The following MYH14 variants were observed in gnomAD, a reference collection of about 807,000 sequenced individuals.
The protein encoded by MYH14 is myosin-14.
MYH14 carries 123 observed loss-of-function variants against 255.5 expected under a neutral mutation model. The ratio of observed to expected loss-of-function variants is 0.48; its 90% CI spans 0.42 to 0.56. The LOEUF is 0.56. Ranked by LOEUF, MYH14 falls within the 20% of genes least tolerant of loss-of-function variation. MYH14 has a pLI of 0.00. For synonymous variants in MYH14, 1,095 were observed against 1,161.2 expected (o/e 0.94, Z 1.16); for missense variants, 2,423 against 2,802.3 (o/e 0.86, Z 3.06).
intron 8 of MYH14, among the ~76,000 whole-genome samples, chr19:50,229,829 G>C (rs745531294): frequency 6.6e-6 from 1 of 152,086 alleles, no homozygotes; most frequent in Non-Finnish European, 1.5e-5. Flanking sequence ...CTCACCTGCG[G>C]GTAACTTTGA....
chr19:50,243,385 G>A (rs905268545), intron 10 of MYH14, among the ~76,000 whole-genome samples: 2 of 151,864 alleles, frequency 1.3e-5, no homozygotes, highest in African/African-American at 2.4e-5. Context: ...GCAGTGAGCC[G>A]ATATGGCACC....
chr19:50,289,522 G>A lies in MYH14; in HGVS notation c.4839G>A (p.Leu1613=). The change falls in exon 35 of 43, where the codon CTG becomes CTA. Residue 1613 remains leucine (L), a synonymous_variant. Transcript: ENST00000642316. ...AGGTGACAGAACTGGAGGATGAGCT[G>A]ACAGCGGCCGAGGATGCCAAGCTGC... The part of the protein sequence containing the change: ...RAQVTELEDE[L]TAAEDAKLRL... 6.2e-7 allele frequency: 1 copy of A among 1,613,178 alleles called. No homozygotes were observed. Among genetic ancestry groups the A allele is most frequent in the Non-Finnish European group, 8.5e-7 (1 of 1,179,658 alleles).
Position 50,272,723 on chromosome 19 carries a change from C to G in MYH14, c.3459C>G (p.Ala1153=). The change falls in exon 27 of 43, where the codon GCC becomes GCG. Residue 1153 remains alanine, a synonymous_variant. Transcript: ENST00000642316. The stretch of plus-strand genomic sequence containing the variant: ...GGAAGGAGGAGGAGCTGCAGGCTGC[C>G]CTGGCCAGGTGCAGGGTGGGGTGGG... ...LGRKEEELQA[A]LARAEDEGGA... is the part of the protein sequence containing the mutation. 6.4e-7 allele frequency: 1 copy of G among 1,550,434 alleles called. No individual in the cohort carries two copies. Among genetic ancestry groups the G allele is most frequent in the Non-Finnish European group, 8.7e-7 (1 of 1,147,426 alleles).
At chr19:50,290,707 T>C (rs1279622784) in intron 35 of MYH14, among the ~76,000 whole-genome samples, 180 bp from the exon 36 acceptor site, 1 of 151,570 alleles carries the variant, frequency 6.6e-6, no homozygotes, top group Non-Finnish European at 1.5e-5. Flanking sequence ...TTAGGTGAGA[T>C]GGGGGACTGA....
At chr19:50,297,273 C>T (rs1027436539) in intron 39 of MYH14, among the ~76,000 whole-genome samples, 6 of 151,878 alleles carry the variant, frequency 4.0e-5, no homozygotes, top group African/African-American at 1.5e-4. Flanking sequence ...CGTGAGCCAC[C>T]GCGCCCGGCC....
chr19:50,239,602 T>G (rs1433281242), intron 10 of MYH14, among the ~76,000 whole-genome samples: 3 of 151,904 alleles, frequency 2.0e-5, no homozygotes, highest in Non-Finnish European at 4.4e-5. Flanking sequence ...CAGGTTGGAG[T>G]GCAGTGGCCC....
rs1325881448 is a variant in MYH14 at position 50,250,242 on chromosome 19, A to T, written c.1657-273A>T. Among the ~76,000 whole-genome samples the T allele has an allele frequency of 7.6e-6, 1 of 132,412 alleles. No homozygotes were observed. Among genetic ancestry groups the T allele is most frequent in the Non-Finnish European group, 1.7e-5 (1 of 60,540 alleles). The allele number at this position is 132,412 out of a possible 152,430, so 86.9% of individuals were successfully genotyped here. ...CAGCCTCCCGAGTAGCTGGGACTAC[A>T]GGTGCCCGCCACCACGCCCGGCTAA... On this transcript the variant is annotated intron_variant, in intron 14 of 42. Coordinates refer to ENST00000642316, the MANE Select transcript of MYH14 (RefSeq NM_001145809.2). The surrounding 1 kb of genome is among the most constrained non-coding windows in gnomAD (Gnocchi z 5.4).
chr19:50,265,431 A>T (rs2035050481), intron 22 of MYH14, among the ~76,000 whole-genome samples: 1 of 152,144 alleles, frequency 6.6e-6, no homozygotes, highest in Non-Finnish European at 1.5e-5. Flanking sequence ...AGGATTGCTT[A>T]AGCCCAGGAG....
chr19:50,309,527 C>A, intron 42 of MYH14, 113 bp from the exon 43 acceptor site: 1 of 742,666 alleles, frequency 1.3e-6, no homozygotes. Context: ...TTATTTTGTT[C>A]TCTCTCTTCC....
chr19:50,249,531 C>T (rs2034277929), intron 13 of MYH14, 119 bp from the exon 14 acceptor site: 4 of 1,108,416 alleles, frequency 3.6e-6, no homozygotes, highest in African/African-American at 1.6e-5. Flanking sequence ...GTCCCCCTCT[C>T]TCTGGGTCTC....
chr19:50,250,411 G>A lies in MYH14; in HGVS notation c.1657-104G>A. On this transcript the variant is annotated intron_variant, in intron 14 of 42. Coordinates refer to ENST00000642316, the MANE Select transcript of MYH14 (RefSeq NM_001145809.2). The surrounding 1 kb of genome is among the most constrained non-coding windows in gnomAD (Gnocchi z 5.4). ...CCACCGTGCCTGGCATCTCACGTTT[G>A]TTTTTATGTCCAAGTGTGACTTATA... 7.9e-7 allele frequency: 1 copy of A among 1,265,458 alleles called. No homozygotes were observed. Among genetic ancestry groups the A allele is most frequent in the Non-Finnish European group, 1.1e-6 (1 of 894,164 alleles). 78.4% of individuals were successfully genotyped at this position (1,265,458 alleles called of 1,614,324 possible).
intron 2 of MYH14, among the ~76,000 whole-genome samples, chr19:50,215,018 CG>C (rs146996811): frequency 6.6e-6 from 1 of 152,056 alleles, no homozygotes; most frequent in South Asian, 2.1e-4. Context: ...CTGAGGGGAG[CG>C]GGGGGGCAGG....
intron 40 of MYH14, among the ~76,000 whole-genome samples, chr19:50,304,327 C>A (rs1288506094): frequency 6.6e-6 from 1 of 152,184 alleles, no homozygotes; most frequent in Non-Finnish European, 1.5e-5. Flanking sequence ...TGGTGGCTCA[C>A]GCCTGTAATC....
intron 33 of MYH14, chr19:50,286,270 A>G: frequency 4.1e-6 from 2 of 484,314 alleles, no homozygotes; most frequent in South Asian, 9.1e-5. Flanking sequence ...GAACATATAG[A>G]GTTAGGGACT....
intron 16 of MYH14, among the ~76,000 whole-genome samples, chr19:50,254,443 G>A (rs188119450): frequency 1.3e-4 from 20 of 152,194 alleles, no homozygotes; most frequent in African/African-American, 2.9e-4. Flanking sequence ...ATCATCTCCC[G>A]GCTGAAAATC....
At chr19:50,218,412 C>T (rs961246744) in intron 3 of MYH14, among the ~76,000 whole-genome samples, 7 of 151,382 alleles carry the variant, frequency 4.6e-5, no homozygotes, top group African/African-American at 1.7e-4. Flanking sequence ...CTGGCTAACA[C>T]GGTGAAACCC....
rs1260873967 is a variant in MYH14, at chr19:50,276,202, C to T, written c.3679C>T (p.Arg1227Trp). Reference sequence around the variant, plus strand: ...CTCCACCAACGCACAGCAGGAGCTCCGGTGAGGCCCGGTGGCAGGCCGCTG... The same window carrying T: ...CTCCACCAACGCACAGCAGGAGCTCTGGTGAGGCCCGGTGGCAGGCCGCTG... Reference protein sequence around the residue: ...LDSTNAQQELRSKREQEVTEL... With the variant: ...LDSTNAQQELWSKREQEVTEL... The change falls in exon 28 of 43, where the codon CGG (arginine) becomes TGG (tryptophan). Residue 1227 changes from arginine to tryptophan, a missense_variant and splice_region_variant. Arg to Trp is a moderately radical substitution (Grantham distance 101, BLOSUM62 -3). Around this residue, in one of 3 missense-constraint regions of MYH14, gnomAD observed 1,513 missense variants for 1,674.8 expected, o/e 0.90. Coordinates refer to ENST00000642316, the MANE Select transcript of MYH14 (RefSeq NM_001145809.2). This position sits in a 1 kb window ranked among gnomAD's most constrained non-coding sequence, Gnocchi z 4.3. 5 of 1,533,598 alleles carry T rather than the reference C, an allele frequency of 3.3e-6. No homozygotes were observed. Among genetic ancestry groups the T allele is most frequent in the African/African-American group, 1.4e-5 (1 of 72,676 alleles). The allele number at this position is 1,533,598 out of a possible 1,614,324, so 95.0% of individuals were successfully genotyped here. A position where few individuals can be genotyped will look rare whatever the true frequency, so the allele number is the denominator to read the frequency against.
At chr19:50,234,569 C>A (rs1378737994) in intron 10 of MYH14, among the ~76,000 whole-genome samples, 3 of 151,972 alleles carry the variant, frequency 2.0e-5, no homozygotes. Context: ...GGGCCTCTCC[C>A]ACCCCCACCC....
intron 39 of MYH14, among the ~76,000 whole-genome samples, chr19:50,295,065 C>A (rs1883417647): frequency 6.6e-6 from 1 of 151,162 alleles, no homozygotes; most frequent in South Asian, 2.1e-4. Context: ...GTGGCTCACG[C>A]CTGTAATCCC....
Sources: gnomAD v4.1 joint callset for allele counts (sites outside exome capture counted in the v4.1 genomes callset) on GRCh38, gnomAD v4.1.1 for gene constraint, gnomAD v4.1.1 regional missense constraint, Gnocchi (gnomAD v3.1) non-coding constraint, MANE v1.5 for transcripts, NCBI Gene and HGNC (gene_info 2026-07-23, HGNC 2026-07-21) for gene names.